ZC3H12B: variants seen among roughly 807,000 people sequenced by gnomAD.
ZC3H12B encodes probable ribonuclease ZC3H12B.
ZC3H12B carries 7 observed loss-of-function variants against 43.9 expected under a neutral mutation model. The ratio of observed to expected loss-of-function variants is 0.16; its 90% CI spans 0.09 to 0.30. ZC3H12B has a LOEUF of 0.30. ZC3H12B is among the 10% of genes least tolerant of loss of function. The pLI is 1.00. For missense variants in ZC3H12B, 475 were observed against 670.2 expected (o/e 0.71, Z 3.22); for synonymous variants, 222 against 241.7 (o/e 0.92, Z 0.76).
chrX:65,355,669 T>G, the ZC3H12B span, among the ~76,000 whole-genome samples: 2 of 111,945 alleles, frequency 1.8e-5, no homozygotes, highest in Non-Finnish European at 3.8e-5. Flanking sequence ...TCATAAAGTT[T>G]TTAAAAATTT....
the ZC3H12B span, among the ~76,000 whole-genome samples, chrX:65,349,179 G>T: frequency 8.9e-6 from 1 of 112,014 alleles, no homozygotes; most frequent in East Asian, 2.8e-4. Flanking sequence ...TCAGACCACA[G>T]TGCAGTCAAA....
the ZC3H12B span, among the ~76,000 whole-genome samples, chrX:65,057,758 A>C: frequency 9.0e-6 from 1 of 111,221 alleles, no homozygotes; most frequent in South Asian, 3.8e-4. Context: ...ATAGTCCCAT[A>C]TTTCTTGGAG....
rs935772976 is a variant in ZC3H12B, at chrX:65,379,637, C to T, written n.295+10639C>T. On this transcript the variant is annotated intron_variant and non_coding_transcript_variant, in intron 2 of 5. Transcript: ENST00000617377. Reference sequence around the variant, plus strand: ...ACTTTGAAGAGCTGAGAGAAGAAGGCTTCAGATGATCAAATTAATCCAAGC... The same window carrying T: ...ACTTTGAAGAGCTGAGAGAAGAAGGTTTCAGATGATCAAATTAATCCAAGC... 4.4e-5 allele frequency among the ~76,000 whole-genome samples: 5 copies of T among 112,444 alleles called. No individual in the cohort carries two copies. The East Asian group carries it at 1.4e-3, about 31-fold the overall frequency.
intron 3 of ZC3H12B, among the ~76,000 whole-genome samples, chrX:65,473,004 A>G (rs867248742): frequency 4.5e-5 from 4 of 89,634 alleles, no homozygotes; most frequent in African/African-American, 1.9e-4. Flanking sequence ...ATATGTATAT[A>G]TATATATATA....
chrX:65,102,866 A>C, the ZC3H12B span, among the ~76,000 whole-genome samples: 1 of 111,706 alleles, frequency 9.0e-6, no homozygotes, highest in East Asian at 2.8e-4. Flanking sequence ...CAAACCCAGC[A>C]AGTTTTTATT....
chrX:65,259,065 T>A, the ZC3H12B span, among the ~76,000 whole-genome samples: 1 of 111,587 alleles, frequency 9.0e-6, no homozygotes, highest in African/African-American at 3.3e-5. Flanking sequence ...TAGAAAAAAA[T>A]TAAAAATTCA....
chrX:65,135,151 A>AT, the ZC3H12B span, among the ~76,000 whole-genome samples: 7 of 111,084 alleles, frequency 6.3e-5, no homozygotes, highest in African/African-American at 9.8e-5. Context: ...TACCAGTGTT[A>AT]TTTTTTTCCT....
At chrX:65,225,926 A>T in the ZC3H12B span, among the ~76,000 whole-genome samples, 1 of 112,319 alleles carries the variant, frequency 8.9e-6, no homozygotes, top group Non-Finnish European at 1.9e-5. Flanking sequence ...GACGGGTAGA[A>T]TGGAACCAAG....
chrX:65,278,446 A>T, the ZC3H12B span, among the ~76,000 whole-genome samples: 2 of 111,733 alleles, frequency 1.8e-5, no homozygotes, highest in African/African-American at 6.5e-5. Context: ...AAGAAATAAT[A>T]ATAAGTATCC....
the ZC3H12B span, among the ~76,000 whole-genome samples, chrX:65,181,845 G>T: frequency 1.8e-5 from 2 of 111,830 alleles, no homozygotes; most frequent in African/African-American, 6.5e-5. Context: ...ACAGTGTGGC[G>T]ATTCCTCAAG....
intron 3 of ZC3H12B, among the ~76,000 whole-genome samples, chrX:65,458,819 C>A (rs767061957): frequency 6.7e-4 from 74 of 111,185 alleles, no homozygotes; most frequent in African/African-American, 2.0e-3. Flanking sequence ...CAAGAGGAAA[C>A]GCATTCAAAA....
At chrX:65,106,614 G>T in the ZC3H12B span, among the ~76,000 whole-genome samples, 2 of 110,868 alleles carry the variant, frequency 1.8e-5, no homozygotes, top group Non-Finnish European at 3.8e-5. Flanking sequence ...TTTCGTATTG[G>T]TTCTTGATTT....
the ZC3H12B span, among the ~76,000 whole-genome samples, chrX:65,171,832 C>T: frequency 9.0e-6 from 1 of 111,468 alleles, no homozygotes; most frequent in Middle Eastern, 4.6e-3. Flanking sequence ...GGCATGGGAC[C>T]CTCCGAGACA....
At chrX:65,397,660 C>A (rs1000337374) in intron 2 of ZC3H12B, among the ~76,000 whole-genome samples, 2 of 110,726 alleles carry the variant, frequency 1.8e-5, no homozygotes, top group Non-Finnish European at 3.8e-5. Flanking sequence ...TACAATAGAC[C>A]CATAGCTAGT....
the ZC3H12B span, among the ~76,000 whole-genome samples, chrX:65,079,005 A>T: frequency 2.7e-5 from 3 of 111,094 alleles, no homozygotes; most frequent in African/African-American, 9.8e-5. Context: ...ATCATCCCCA[A>T]TTTCCCCAAA....
chrX:65,042,203 T>C, the ZC3H12B span, among the ~76,000 whole-genome samples: 2 of 112,472 alleles, frequency 1.8e-5, no homozygotes, highest in African/African-American at 6.5e-5. Flanking sequence ...GAATAAAAAC[T>C]TAGCTGTTTG....
At chrX:65,381,287 G>A (rs1476288513) in intron 2 of ZC3H12B, among the ~76,000 whole-genome samples, 1 of 111,516 alleles carries the variant, frequency 9.0e-6, no homozygotes, top group African/African-American at 3.3e-5. Context: ...CTAGAACTCA[G>A]GATTAAGAAA....
At chrX:65,389,771 G>C (rs2066585927) in intron 2 of ZC3H12B, among the ~76,000 whole-genome samples, 1 of 112,350 alleles carries the variant, frequency 8.9e-6, no homozygotes, top group Admixed American at 9.4e-5. Flanking sequence ...GGCCATCTTG[G>C]CTCCACGCCC....
chrX:65,359,881 G>A, the ZC3H12B span, among the ~76,000 whole-genome samples: 2 of 112,056 alleles, frequency 1.8e-5, no homozygotes, highest in African/African-American at 6.5e-5. Flanking sequence ...ATGCTGTAGA[G>A]AAATGGTATA....
Sources: allele counts gnomAD v4.1 joint callset (sites outside exome capture counted in the v4.1 genomes callset), GRCh38; gene constraint gnomAD v4.1.1; transcripts MANE v1.5; gene names NCBI Gene and HGNC (gene_info 2026-07-23, HGNC 2026-07-21).